Variants in SDC1 observed in about 807,000 individuals in gnomAD.
SDC1 encodes the protein syndecan 1.
In SDC1, 14 loss-of-function variants were observed where a neutral mutation model predicts 29.7. The observed-to-expected ratio is 0.47, with a 90% confidence interval of 0.31 to 0.74. SDC1 has a LOEUF of 0.74. Ranked by LOEUF, SDC1 falls within the 30% of genes least tolerant of loss-of-function variation. The pLI is 0.05. For synonymous variants in SDC1, 204 were observed against 175.5 expected, an observed-to-expected ratio of 1.16 and a Z score of -1.29; for missense variants, 406 against 400.3, an observed-to-expected ratio of 1.01 and a Z score of -0.12.
At chr2:20,214,903 G>C (rs945292763) in intron 1 of SDC1, among the ~76,000 whole-genome samples, 1 of 152,188 alleles carries the variant, frequency 6.6e-6, no homozygotes, top group Non-Finnish European at 1.5e-5. Flanking sequence ...CACTTTCTCT[G>C]AATTAATTAG....
rs1167970185 is a variant in SDC1 at position 20,200,998 on chromosome 2, C to G, written c.*1768G>C. ...AGGTTCCCTTGGCTTGGTGGTGCATCTCTGATCCACAGACTGGCCCACCTC... is the reference window on the plus strand; with the variant it reads ...AGGTTCCCTTGGCTTGGTGGTGCATGTCTGATCCACAGACTGGCCCACCTC... On this transcript the variant is annotated 3_prime_UTR_variant, in exon 5 of 5. Coordinates refer to ENST00000254351, the MANE Select transcript of SDC1 (RefSeq NM_002997.5). The G allele has an allele frequency of 6.6e-6, 1 of 152,254 alleles. No individual in the cohort carries two copies. Among genetic ancestry groups the G allele is most frequent in the African/African-American group, 2.4e-5 (1 of 41,456 alleles). The allele number at this position is 152,254 out of a possible 1,614,324, so 9.4% of individuals were successfully genotyped here. A position where few individuals can be genotyped will look rare whatever the true frequency, so the allele number is the denominator to read the frequency against.
At chr2:20,207,983 C>G (rs541893183) in intron 1 of SDC1, 1 of 985,430 alleles carries the variant, frequency 1.0e-6, no homozygotes, top group Non-Finnish European at 1.2e-6. Context: ...CCTGCTGCAC[C>G]GCCTCCCCCA....
At chr2:20,214,576 C>T (rs1016729729) in intron 1 of SDC1, among the ~76,000 whole-genome samples, 1 of 152,178 alleles carries the variant, frequency 6.6e-6, no homozygotes. Flanking sequence ...GCACAGAGCT[C>T]CTAGCCCTCT....
intron 1 of SDC1, 74 bp from the exon 2 acceptor site, chr2:20,205,498 C>A: frequency 5.7e-6 from 7 of 1,223,968 alleles, no homozygotes; most frequent in Non-Finnish European, 8.4e-6. Flanking sequence ...CTCTCCTAGA[C>A]AGCTGAGTGG....
At chr2:20,203,482 T>C (rs1346297846) in intron 3 of SDC1, among the ~76,000 whole-genome samples, 2 of 152,272 alleles carry the variant, frequency 1.3e-5, no homozygotes, top group Non-Finnish European at 2.9e-5. Flanking sequence ...AGCAGACTTA[T>C]TTTAGTGTAA....
chr2:20,210,202 G>A (rs1011866964), intron 1 of SDC1, among the ~76,000 whole-genome samples: 27 of 152,218 alleles, frequency 1.8e-4, no homozygotes, highest in African/African-American at 6.0e-4. Context: ...TTAGCTGGGC[G>A]TGGCGGTGTG....
At chr2:20,220,187 G>A (rs1677771225) in intron 1 of SDC1, among the ~76,000 whole-genome samples, 1 of 152,184 alleles carries the variant, frequency 6.6e-6, no homozygotes, top group African/African-American at 2.4e-5. Context: ...CACTGTTCAG[G>A]CCAGCTCAGC....
In SDC1 at chr2:20,200,846, G is replaced by A; in HGVS notation, c.*1920C>T. The A allele has an allele frequency of 6.6e-6, 1 of 152,284 alleles. No homozygotes were observed. The highest frequency in any genetic ancestry group is 1.9e-4 in the East Asian group (1 of 5,202). The allele number at this position is 152,284 out of a possible 1,614,324, so 9.4% of individuals were successfully genotyped here. On this transcript the variant is annotated 3_prime_UTR_variant, in exon 5 of 5. Transcript: ENST00000254351. ...TATTGTCGTTACACAAATGAACCCAGCCTCTGGCTTGGGCACCGTCCCACG... is the reference window on the plus strand; with the variant it reads ...TATTGTCGTTACACAAATGAACCCAACCTCTGGCTTGGGCACCGTCCCACG...
rs553963902 is a variant in SDC1 at position 20,202,317 on chromosome 2, A to G, written c.*449T>C. On this transcript the variant is annotated 3_prime_UTR_variant, in exon 5 of 5. Transcript: ENST00000254351. ...ACAAAGTGGACTCCTGTCCCCTGCC[A>G]CTCAGCGGCCACCCCCCCAAGATGC... is the stretch of plus-strand genomic sequence containing the variant. 5.2e-6 allele frequency: 4 copies of G among 776,084 alleles called. No homozygotes were observed. Among genetic ancestry groups the G allele is most frequent in the South Asian group, 4.1e-5 (3 of 73,748 alleles). 48.1% of individuals were successfully genotyped at this position (776,084 alleles called of 1,614,324 possible). A position where few individuals can be genotyped will look rare whatever the true frequency, so the allele number is the denominator to read the frequency against.
intron 1 of SDC1, 68 bp from the exon 2 acceptor site, chr2:20,205,492 C>G: frequency 7.6e-7 from 1 of 1,312,146 alleles, no homozygotes; most frequent in Non-Finnish European, 1.1e-6. Flanking sequence ...TGGGTCCTCT[C>G]CTAGACAGCT....
chr2:20,210,267 G>A (rs532761513), intron 1 of SDC1, among the ~76,000 whole-genome samples: 11 of 152,208 alleles, frequency 7.2e-5, no homozygotes, highest in Non-Finnish European at 1.2e-4. Context: ...CTTGAACCCA[G>A]GAGGTGGAGG....
At chr2:20,203,024 C>T (rs1361547472) in intron 4 of SDC1, 63 bp downstream of exon 4, 6 of 1,562,074 alleles carry the variant, frequency 3.8e-6, no homozygotes, top group Admixed American at 3.6e-5. Flanking sequence ...TGGCTGTGGT[C>T]AGCCCCACCC....
rs534018371 is a variant in SDC1, at chr2:20,201,715, T to C, written c.*1051A>G. ...TCTGCCCAAGACACCCCTCGTCAAT[T>C]TCCAGGAGGAAGCAGCCCCTGGAGA... On this transcript the variant is annotated 3_prime_UTR_variant, in exon 5 of 5. Transcript: ENST00000254351. The C allele has an allele frequency of 1.4e-4, 21 of 152,910 alleles. No homozygotes were observed. The East Asian group carries it at 4.1e-3, about 30-fold the overall frequency. The allele number at this position is 152,910 out of a possible 1,614,324, so 9.5% of individuals were successfully genotyped here.
chr2:20,207,659 T>G (rs1011443629), intron 1 of SDC1, among the ~76,000 whole-genome samples: 1 of 152,200 alleles, frequency 6.6e-6, no homozygotes, highest in Admixed American at 6.5e-5. Flanking sequence ...TGAGCTGAGA[T>G]TGTGCCACTG....
At chr2:20,213,044 C>T (rs572704308) in intron 1 of SDC1, among the ~76,000 whole-genome samples, 2 of 152,202 alleles carry the variant, frequency 1.3e-5, no homozygotes, top group Admixed American at 1.3e-4. Context: ...CACCGCACTG[C>T]CTGCTCACAG....
In SDC1 at chr2:20,203,894, A is replaced by G. The variant is rs1010330001; in HGVS notation, c.546T>C (p.Asp182=). ...CCCTCTCGGTGGCAGAAGGACCTCC[A>G]TCCTCTGTGTGGGGAGTGTGAAGGT... ...QADLHTPHTE[D]GGPSATERAA... The change falls in exon 3 of 5, where the codon GAT becomes GAC. Residue 182 remains aspartate, a synonymous_variant. Transcript: ENST00000254351. 55 of 1,613,040 alleles carry G rather than the reference A, an allele frequency of 3.4e-5. No individual in the cohort carries two copies. The highest frequency in any genetic ancestry group is 1.6e-4 in the Middle Eastern group (1 of 6,064).
intron 1 of SDC1, among the ~76,000 whole-genome samples, chr2:20,220,008 C>A (rs1003769663): frequency 6.6e-6 from 1 of 152,252 alleles, no homozygotes; most frequent in South Asian, 2.1e-4. Context: ...GCAAGCTGGG[C>A]ACCACCTGGG....
At position 20,202,527 on chromosome 2, in the gene SDC1, T is replaced by C. The variant is rs1677052814; in HGVS notation, c.*239A>G. ...GAATGGTGCGATGCCAGGTGCTGGC[T>C]GTGGTGGAAAGGTCCTATGCGAGAA... is the stretch of plus-strand genomic sequence containing the variant. On this transcript the variant is annotated 3_prime_UTR_variant, in exon 5 of 5. Coordinates refer to ENST00000254351, the MANE Select transcript of SDC1 (RefSeq NM_002997.5). The C allele has an allele frequency of 1.7e-6, 1 of 589,690 alleles. No individual in the cohort carries two copies. The highest frequency in any genetic ancestry group is 1.9e-5 in the African/African-American group (1 of 53,440). 36.5% of individuals were successfully genotyped at this position (589,690 alleles called of 1,614,324 possible). A position where few individuals can be genotyped will look rare whatever the true frequency, so the allele number is the denominator to read the frequency against.
intron 1 of SDC1, among the ~76,000 whole-genome samples, chr2:20,216,429 T>C (rs920089748): frequency 6.6e-6 from 1 of 152,162 alleles, no homozygotes; most frequent in Non-Finnish European, 1.5e-5. Context: ...TGGGAGAAGC[T>C]GGAATGACAC....
Sources: gnomAD v4.1 joint callset for allele counts (sites outside exome capture counted in the v4.1 genomes callset) on GRCh38, gnomAD v4.1.1 for gene constraint, MANE v1.5 for transcripts, NCBI Gene and HGNC (gene_info 2026-07-23, HGNC 2026-07-21) for gene names.